Variants in ALPK2 observed in about 807,000 individuals in gnomAD.
The protein encoded by ALPK2 is alpha kinase 2.
ALPK2 carries 127 observed loss-of-function variants against 163.1 expected under a neutral mutation model. The ratio of observed to expected loss-of-function variants is 0.78; its 90% CI spans 0.67 to 0.90. The LOEUF is 0.90. ALPK2 is among the 40% of genes least tolerant of loss of function. ALPK2 has a pLI of 0.00. For synonymous variants in ALPK2, 953 were observed against 959.1 expected (o/e 0.99, Z 0.12); for missense variants, 2,360 against 2,589.6 (o/e 0.91, Z 1.92).
chr18:58,621,574 G>A (rs1245887647), intron 1 of ALPK2, among the ~76,000 whole-genome samples: 2 of 151,828 alleles, frequency 1.3e-5, no homozygotes, highest in Admixed American at 6.6e-5. Flanking sequence ...CCAGGCCAAT[G>A]TGATCACTTC....
At chr18:58,570,245 A>G (rs1035176413) in intron 4 of ALPK2, among the ~76,000 whole-genome samples, 3 of 152,220 alleles carry the variant, frequency 2.0e-5, no homozygotes, top group Non-Finnish European at 4.4e-5. Context: ...GGAGAATACA[A>G]TTGAGTATGC....
intron 12 of ALPK2, among the ~76,000 whole-genome samples, chr18:58,485,164 G>A (rs577572496): frequency 2.2e-4 from 34 of 152,350 alleles, no homozygotes; most frequent in Admixed American, 1.4e-3. Context: ...AGCCCTGCCC[G>A]GTGGGAGAGA....
chr18:58,485,345 T>C (rs547225669), intron 12 of ALPK2, among the ~76,000 whole-genome samples: 148 of 152,316 alleles, frequency 9.7e-4, no homozygotes, highest in Non-Finnish European at 1.8e-3. Context: ...AGAGAGTTTT[T>C]TCCCTGTGCA....
chr18:58,498,128 T>C, intron 11 of ALPK2, 31 bp from the exon 12 acceptor site: 1 of 1,613,102 alleles, frequency 6.2e-7, no homozygotes. Flanking sequence ...GATGGGAGTT[T>C]GTGTTACTCA....
At chr18:58,515,814 T>A (rs912393797) in intron 9 of ALPK2, among the ~76,000 whole-genome samples, 1 of 152,244 alleles carries the variant, frequency 6.6e-6, no homozygotes, top group African/African-American at 2.4e-5. Context: ...TTTAATATTT[T>A]AAATGTTTTA....
At chr18:58,612,660 T>G (rs986488570) in intron 1 of ALPK2, among the ~76,000 whole-genome samples, 4 of 152,160 alleles carry the variant, frequency 2.6e-5, no homozygotes, top group Non-Finnish European at 4.4e-5. Flanking sequence ...CACTGGAGCT[T>G]TGCAGGGCAC....
chr18:58,523,731 C>T (rs2051568331), intron 8 of ALPK2, 75 bp downstream of exon 8: 1 of 1,578,526 alleles, frequency 6.3e-7, no homozygotes, highest in Non-Finnish European at 8.7e-7. Context: ...ACTGCTTCTA[C>T]TCTTTCCTCT....
intron 4 of ALPK2, among the ~76,000 whole-genome samples, chr18:58,554,964 C>T (rs904789465): frequency 2.0e-5 from 3 of 152,142 alleles, no homozygotes; most frequent in African/African-American, 7.2e-5. Context: ...CTCTTATTGC[C>T]GCCATGTAAC....
At chr18:58,591,136 C>A (rs6566985) in intron 3 of ALPK2, among the ~76,000 whole-genome samples, 53,561 of 152,074 alleles carry the variant, frequency 0.35, 9,543 homozygotes, top group Admixed American at 0.41. Flanking sequence ...TCTCTGCTGC[C>A]CAGGAGATAG....
At chr18:58,524,129 T>G in intron 6 of ALPK2, 67 bp from the exon 7 acceptor site, 1 of 1,547,302 alleles carries the variant, frequency 6.5e-7, no homozygotes, top group Non-Finnish European at 8.7e-7. Context: ...CCTAATATAC[T>G]TAAGGAGAAA....
chr18:58,528,958 T>A, intron 6 of ALPK2, 133 bp downstream of exon 6: 7 of 1,077,880 alleles, frequency 6.5e-6, no homozygotes, highest in Non-Finnish European at 9.6e-6. Flanking sequence ...TCTTTTTTAA[T>A]ATTGTGGATG....
At chr18:58,618,339 G>A (rs923167811) in intron 1 of ALPK2, among the ~76,000 whole-genome samples, 2 of 152,168 alleles carry the variant, frequency 1.3e-5, no homozygotes, top group Admixed American at 6.5e-5. Flanking sequence ...GAGCCACCCC[G>A]CCTGGCCTAC....
intron 4 of ALPK2, among the ~76,000 whole-genome samples, chr18:58,553,839 T>G (rs1293218709): frequency 1.4e-4 from 11 of 80,498 alleles, no homozygotes; most frequent in Non-Finnish European, 1.2e-4. Context: ...GCAGTTGGGG[T>G]TTTTTTTTTG....
intron 5 of ALPK2, among the ~76,000 whole-genome samples, chr18:58,531,638 G>A (rs2144140779): frequency 8.6e-6 from 1 of 116,874 alleles, no homozygotes; most frequent in East Asian, 2.8e-4. Flanking sequence ...CAACTAGAAG[G>A]TGATAAGTTG....
At chr18:58,518,012 C>T (rs1286806678) in intron 8 of ALPK2, among the ~76,000 whole-genome samples, 1 of 151,982 alleles carries the variant, frequency 6.6e-6, no homozygotes, top group African/African-American at 2.4e-5. Flanking sequence ...CCACTTTAAA[C>T]TAGAGATGAC....
chr18:58,562,164 A>G (rs978925135), intron 4 of ALPK2, among the ~76,000 whole-genome samples: 1 of 152,218 alleles, frequency 6.6e-6, no homozygotes, highest in African/African-American at 2.4e-5. Context: ...CAGTTTTGTT[A>G]CATGGACTAC....
At chr18:58,558,476 C>T (rs1260743182) in intron 4 of ALPK2, among the ~76,000 whole-genome samples, 6 of 152,212 alleles carry the variant, frequency 3.9e-5, no homozygotes, top group Non-Finnish European at 4.4e-5. Flanking sequence ...TCATACACTG[C>T]TGGTAGGAAT....
intron 11 of ALPK2, 122 bp from the exon 12 acceptor site, chr18:58,498,219 A>G: frequency 3.5e-6 from 3 of 856,876 alleles, no homozygotes; most frequent in Non-Finnish European, 5.8e-6. Flanking sequence ...CTGCATAAAC[A>G]CTCGAGGCCT....
At chr18:58,531,250 A>T (rs1169128342) in intron 5 of ALPK2, among the ~76,000 whole-genome samples, 3 of 152,040 alleles carry the variant, frequency 2.0e-5, no homozygotes, top group Non-Finnish European at 2.9e-5. Flanking sequence ...TTCTTTTATA[A>T]TGATCCAAGT....
Sources: allele counts gnomAD v4.1 joint callset (sites outside exome capture counted in the v4.1 genomes callset), GRCh38; gene constraint gnomAD v4.1.1; transcripts MANE v1.5; gene names NCBI Gene and HGNC (gene_info 2026-07-23, HGNC 2026-07-21).